The following ST6GALNAC5 variants were observed in gnomAD, a reference collection of about 807,000 sequenced individuals.
The protein encoded by ST6GALNAC5 is alpha-N-acetylgalactosaminide alpha-2,6-sialyltransferase 5.
In ST6GALNAC5, 27 loss-of-function variants were observed where a neutral mutation model predicts 33.6. That is an observed-to-expected ratio of 0.80 (90% CI 0.59 to 1.11). ST6GALNAC5 has a LOEUF of 1.11. Among genes scored for constraint, ST6GALNAC5 ranks in the 50% least tolerant of loss-of-function variants. The probability of loss-of-function intolerance (pLI) is 0.00; values close to 1 mark genes in which losing one functional copy is unlikely to be tolerated. For missense variants in ST6GALNAC5, 428 were observed against 454.0 expected (o/e 0.94, Z 0.52); for synonymous variants, 194 against 171.2 (o/e 1.13, Z -1.04).
intron 2 of ST6GALNAC5, among the ~76,000 whole-genome samples, chr1:77,036,374 T>A (rs1042425282): frequency 9.8e-5 from 15 of 152,324 alleles, no homozygotes; most frequent in South Asian, 2.1e-4. Flanking sequence ...TACAAAAAAA[T>A]TATTTTTAAT....
At chr1:76,979,095 A>G (rs1265753364) in intron 2 of ST6GALNAC5, among the ~76,000 whole-genome samples, 1 of 152,172 alleles carries the variant, frequency 6.6e-6, no homozygotes, top group Non-Finnish European at 1.5e-5. Context: ...TAAAAACTAT[A>G]AAACATGGAT....
chr1:76,952,164 T>C (rs1444974262), intron 2 of ST6GALNAC5, among the ~76,000 whole-genome samples: 1 of 152,096 alleles, frequency 6.6e-6, no homozygotes, highest in Non-Finnish European at 1.5e-5. Context: ...TGATTGGTGG[T>C]GTTTGCTTAT....
rs757220053 is a variant in ST6GALNAC5 at position 77,044,629 on chromosome 1, G to C, written c.671+16G>C. The C allele has an allele frequency of 1.7e-5, 26 of 1,527,018 alleles. No individual in the cohort carries two copies. In the South Asian group the frequency reaches 2.2e-4, roughly 13 times the overall value. The allele number at this position is 1,527,018 out of a possible 1,614,324, so 94.6% of individuals were successfully genotyped here. On this transcript the variant is annotated intron_variant, in intron 3 of 4. Transcript: ENST00000477717. ...GCAAAGACAGGTACAAAGGCACAGG[G>C]AAGAAGATGCAGGGGAGGGTGAGGA... is the stretch of plus-strand genomic sequence containing the variant.
rs1651947463 is a variant in ST6GALNAC5, at chr1:77,044,577, T to C, written c.635T>C (p.Phe212Ser). ...FMITRHKMLQ[F>S]DELFKQETGK... ...ATTACTCGCCACAAGATGCTGCAGTTTGATGAGCTCTTCAAGCAGGAGACT... is the reference window on the plus strand; with the variant it reads ...ATTACTCGCCACAAGATGCTGCAGTCTGATGAGCTCTTCAAGCAGGAGACT... The change falls in exon 3 of 5, where the codon TTT becomes TCT. Residue 212 changes from phenylalanine (F) to serine (S), a missense_variant. By Grantham distance (155) the Phe-to-Ser change is radical (BLOSUM62 -2). Transcript: ENST00000477717. The C allele has an allele frequency of 1.3e-6, 2 of 1,578,114 alleles. 1 individual carries two copies. The highest frequency in any genetic ancestry group is 2.3e-5 in the South Asian group (2 of 85,140).
chr1:76,982,407 G>T (rs1649295600), intron 2 of ST6GALNAC5, among the ~76,000 whole-genome samples: 1 of 152,024 alleles, frequency 6.6e-6, no homozygotes, highest in African/African-American at 2.4e-5. Flanking sequence ...TGGAAGAAAG[G>T]GTATCAGTAA....
intron 2 of ST6GALNAC5, among the ~76,000 whole-genome samples, chr1:76,906,586 G>A (rs192123375): frequency 6.6e-6 from 1 of 152,032 alleles, no homozygotes; most frequent in African/African-American, 2.4e-5. Context: ...ATAATTTTTT[G>A]ATTGTTGAGT....
At chr1:76,998,595 C>T (rs1240024007) in intron 2 of ST6GALNAC5, among the ~76,000 whole-genome samples, 2 of 152,092 alleles carry the variant, frequency 1.3e-5, no homozygotes, top group African/African-American at 4.8e-5. Flanking sequence ...GAAAAGAAAG[C>T]CTAGTTTCCT....
chr1:76,953,669 T>C (rs1027136641), intron 2 of ST6GALNAC5, among the ~76,000 whole-genome samples: 1 of 152,160 alleles, frequency 6.6e-6, no homozygotes. Context: ...CATAAAAGTT[T>C]CAAATGTTGA....
chr1:77,054,300 G>C (rs956368391), intron 4 of ST6GALNAC5, among the ~76,000 whole-genome samples: 1 of 152,232 alleles, frequency 6.6e-6, no homozygotes, highest in East Asian at 1.9e-4. Flanking sequence ...TGGACTCAGA[G>C]AAGTCCTTGC....
chr1:77,042,408 C>G (rs903120947), intron 2 of ST6GALNAC5, among the ~76,000 whole-genome samples: 4 of 152,192 alleles, frequency 2.6e-5, no homozygotes, highest in African/African-American at 9.7e-5. Context: ...CTATTTGCCC[C>G]ATTTTTGCAT....
chr1:77,039,889 C>T (rs576032602), intron 2 of ST6GALNAC5, among the ~76,000 whole-genome samples: 41 of 152,202 alleles, frequency 2.7e-4, no homozygotes, highest in Admixed American at 3.3e-4. Context: ...CCCAGGCCGA[C>T]GGGCAGAGAT....
chr1:77,001,591 C>T (rs1557755594), intron 2 of ST6GALNAC5, among the ~76,000 whole-genome samples: 1 of 151,666 alleles, frequency 6.6e-6, no homozygotes, highest in Non-Finnish European at 1.5e-5. Flanking sequence ...GGGAATGCTT[C>T]CAGTTTTTGC....
rs558700758 is a variant in ST6GALNAC5, at chr1:76,930,414, G to A, written c.261+61672G>A. On this transcript the variant is annotated intron_variant, in intron 2 of 4. Transcript: ENST00000477717. ...AATGCAGTTTTTAAGTAGCAGTTTCGTGAATAACCTGTATTTTTCTAGGAG... is the reference window on the plus strand; with the variant it reads ...AATGCAGTTTTTAAGTAGCAGTTTCATGAATAACCTGTATTTTTCTAGGAG... Among the ~76,000 whole-genome samples the A allele has an allele frequency of 6.5e-4, 99 of 152,194 alleles. 2 individuals are homozygous for A. The highest frequency in any genetic ancestry group is 3.4e-3 in the Middle Eastern group (1 of 294).
chr1:76,872,852 G>A (rs1653541580), intron 2 of ST6GALNAC5, among the ~76,000 whole-genome samples: 1 of 152,128 alleles, frequency 6.6e-6, no homozygotes, highest in South Asian at 2.1e-4. Flanking sequence ...ATGAAACCCT[G>A]TTACCACAAA....
chr1:77,001,876 G>T (rs1196148319), intron 2 of ST6GALNAC5, among the ~76,000 whole-genome samples: 1 of 151,862 alleles, frequency 6.6e-6, no homozygotes, highest in Non-Finnish European at 1.5e-5. Context: ...TTGATGTGCT[G>T]CTGGATTCGT....
At chr1:76,935,217 GAAAT>G (rs1196239934) in intron 2 of ST6GALNAC5, among the ~76,000 whole-genome samples, 1 of 151,822 alleles carries the variant, frequency 6.6e-6, no homozygotes, top group Non-Finnish European at 1.5e-5. Flanking sequence ...AAATACGTGG[GAAAT>G]AAATAATAAA....
intron 2 of ST6GALNAC5, among the ~76,000 whole-genome samples, chr1:76,984,850 G>T (rs764371184): frequency 1.1e-4 from 17 of 152,170 alleles, no homozygotes; most frequent in African/African-American, 3.9e-4. Flanking sequence ...AGCATGCAAG[G>T]CTGTTTCAAC....
intron 2 of ST6GALNAC5, among the ~76,000 whole-genome samples, chr1:77,025,797 C>A (rs1334741345): frequency 6.6e-6 from 1 of 152,142 alleles, no homozygotes; most frequent in Non-Finnish European, 1.5e-5. Context: ...TGCTGCCCCT[C>A]CTCCAGGCAG....
chr1:76,978,449 C>T (rs886673389), intron 2 of ST6GALNAC5, among the ~76,000 whole-genome samples: 1 of 152,120 alleles, frequency 6.6e-6, no homozygotes, highest in Non-Finnish European at 1.5e-5. Flanking sequence ...TGATTCATCC[C>T]AGGGATGCAA....
Sources: gnomAD v4.1 joint callset for allele counts (sites outside exome capture counted in the v4.1 genomes callset) on GRCh38, gnomAD v4.1.1 for gene constraint, MANE v1.5 for transcripts, NCBI Gene and HGNC (gene_info 2026-07-23, HGNC 2026-07-21) for gene names.